VWA8: variants seen among roughly 807,000 people sequenced by gnomAD.
The protein encoded by VWA8 is von Willebrand factor A domain containing 8.
Under a neutral mutation model 241.5 loss-of-function variants are expected in VWA8, and 221 were observed. The observed-to-expected ratio is 0.91, with a 90% CI of 0.82 to 1.02. The LOEUF (loss-of-function observed/expected upper bound fraction) is 1.02, where lower values mean the gene tolerates loss of function less well. VWA8 is among the 50% of genes least tolerant of loss of function. The pLI, the probability that VWA8 is intolerant of heterozygous loss-of-function variation, is 0.00. For missense variants in VWA8, 2,322 were observed against 2,328.7 expected, an observed-to-expected ratio of 1.00 and a Z score of 0.06; for synonymous variants, 852 against 827.1, an observed-to-expected ratio of 1.03 and a Z score of -0.52.
intron 37 of VWA8, among the ~76,000 whole-genome samples, chr13:41,634,743 A>T (rs1019567523): frequency 2.0e-5 from 3 of 152,094 alleles, no homozygotes; most frequent in East Asian, 3.8e-4. Flanking sequence ...TCTAGCTCTA[A>T]TTTTTTTCCT....
intron 4 of VWA8, among the ~76,000 whole-genome samples, chr13:41,898,220 G>A (rs1875225659): frequency 6.6e-6 from 1 of 151,776 alleles, no homozygotes; most frequent in Admixed American, 6.6e-5. Flanking sequence ...CACCAGAGCA[G>A]GTAGATACAG....
rs773095821 is a variant in VWA8, at chr13:41,886,033, G to A, written c.867-5C>T. On this transcript the variant is annotated splice_polypyrimidine_tract_variant and splice_region_variant and intron_variant, in intron 7 of 44. Coordinates refer to ENST00000379310, the MANE Select transcript of VWA8 (RefSeq NM_015058.2). ...AAGGACAAGAGCTGAGAAACTCTAA[G>A]GGAAAAATGATATTAAATTTTAATA... 13 of 1,550,590 alleles carry A rather than the reference G, an allele frequency of 8.4e-6. No individual in the cohort carries two copies. Among genetic ancestry groups the A allele is most frequent in the Non-Finnish European group, 1.0e-5 (12 of 1,148,516 alleles).
intron 20 of VWA8, among the ~76,000 whole-genome samples, chr13:41,764,105 A>G (rs1045576130): frequency 2.0e-5 from 3 of 151,860 alleles, no homozygotes; most frequent in Non-Finnish European, 2.9e-5. Context: ...TCATCCTTCC[A>G]CCCAAACCTA....
chr13:41,783,746 C>A, intron 19 of VWA8, 49 bp downstream of exon 19: 1 of 1,321,992 alleles, frequency 7.6e-7, no homozygotes, highest in Non-Finnish European at 1.1e-6. Flanking sequence ...TTGGAGTGTA[C>A]TACCACAATT....
At chr13:41,886,131 C>G in intron 7 of VWA8, 103 bp from the exon 8 acceptor site, 1 of 769,310 alleles carries the variant, frequency 1.3e-6, no homozygotes, top group Non-Finnish European at 2.1e-6. Context: ...TAAAAAAGAT[C>G]CCTAATATTA....
At chr13:41,900,695 A>C (rs1247871147) in intron 4 of VWA8, among the ~76,000 whole-genome samples, 1 of 152,216 alleles carries the variant, frequency 6.6e-6, no homozygotes. Flanking sequence ...TACTGCAAAA[A>C]AAAATTTAAA....
At chr13:41,782,158 T>TCC (rs1284130131) in intron 19 of VWA8, among the ~76,000 whole-genome samples, 1 of 152,218 alleles carries the variant, frequency 6.6e-6, no homozygotes, top group African/African-American at 2.4e-5. Context: ...TTAAGAAAAG[T>TCC]CCCTCAGGGC....
chr13:41,856,687 GC>G (rs1872763907), intron 12 of VWA8, among the ~76,000 whole-genome samples: 1 of 152,108 alleles, frequency 6.6e-6, no homozygotes, highest in African/African-American at 2.4e-5. Context: ...AGCCAAGCCT[GC>G]TGGTGTGCAC....
At chr13:41,664,562 T>C (rs1216832443) in intron 37 of VWA8, among the ~76,000 whole-genome samples, 1 of 152,132 alleles carries the variant, frequency 6.6e-6, no homozygotes, top group Non-Finnish European at 1.5e-5. Context: ...GTTTCCCTCC[T>C]GTCCTAATTG....
At chr13:41,572,582 A>G (rs1038537821) in intron 43 of VWA8, among the ~76,000 whole-genome samples, 28 of 152,162 alleles carry the variant, frequency 1.8e-4, no homozygotes, top group African/African-American at 6.5e-4. Context: ...TGTTAAACAG[A>G]TGCTTGAAGG....
intron 26 of VWA8, among the ~76,000 whole-genome samples, chr13:41,708,527 C>T (rs1192318916): frequency 6.6e-6 from 1 of 152,132 alleles, no homozygotes; most frequent in African/African-American, 2.4e-5. Context: ...GCTTCCCTAC[C>T]ATCTCACAGG....
intron 2 of VWA8, among the ~76,000 whole-genome samples, chr13:41,919,984 AG>A (rs1342998773): frequency 6.6e-6 from 1 of 152,142 alleles, no homozygotes; most frequent in Admixed American, 6.5e-5. Flanking sequence ...GAACAGGACT[AG>A]GAACTCAGAA....
intron 24 of VWA8, among the ~76,000 whole-genome samples, chr13:41,724,964 A>G (rs1050288595): frequency 1.3e-5 from 2 of 152,146 alleles, no homozygotes; most frequent in Admixed American, 6.5e-5. Flanking sequence ...CTTGAGGCCC[A>G]TTGTTAAGAA....
rs145605937 is a variant in VWA8 at position 41,602,720 on chromosome 13, C to A, written c.4986+2448G>T. On this transcript the variant is annotated intron_variant, in intron 40 of 44. Transcript: ENST00000379310. ...TTAAGCATATCATCTGAGTTCTTCA[C>A]TAACATACTGGTATCTGTCATTCCC... Among the ~76,000 whole-genome samples, 19 of 152,230 alleles carry A rather than the reference C, an allele frequency of 1.2e-4. No homozygotes were observed. The East Asian group carries it at 3.7e-3, about 29-fold the overall frequency.
chr13:41,679,768 A>T (rs1309381150), intron 35 of VWA8, among the ~76,000 whole-genome samples: 1 of 150,910 alleles, frequency 6.6e-6, no homozygotes, highest in African/African-American at 2.4e-5. Flanking sequence ...TCTAGCTTGA[A>T]TTTTCATCAG....
chr13:41,900,042 C>G (rs1181128311), intron 4 of VWA8, among the ~76,000 whole-genome samples: 1 of 152,140 alleles, frequency 6.6e-6, no homozygotes, highest in Non-Finnish European at 1.5e-5. Flanking sequence ...TCACAGCAGG[C>G]TATTAGCATT....
intron 21 of VWA8, among the ~76,000 whole-genome samples, chr13:41,753,957 G>C (rs1312935758): frequency 1.3e-5 from 2 of 152,130 alleles, no homozygotes; most frequent in East Asian, 1.9e-4. Flanking sequence ...GCAATTTTAT[G>C]AGCTAAAATG....
chr13:41,887,885 A>G (rs574866308), intron 5 of VWA8, among the ~76,000 whole-genome samples: 1 of 152,376 alleles, frequency 6.6e-6, no homozygotes, highest in Admixed American at 6.5e-5. Context: ...AATCCAATAT[A>G]GACTATCTCC....
intron 20 of VWA8, among the ~76,000 whole-genome samples, chr13:41,762,935 G>T (rs2045751040): frequency 6.6e-6 from 1 of 151,908 alleles, no homozygotes; most frequent in South Asian, 2.1e-4. Flanking sequence ...AAATATAAAT[G>T]ATGACCATGT....
Sources: gnomAD v4.1 joint callset for allele counts (sites outside exome capture counted in the v4.1 genomes callset) on GRCh38, gnomAD v4.1.1 for gene constraint, MANE v1.5 for transcripts, NCBI Gene and HGNC (gene_info 2026-07-23, HGNC 2026-07-21) for gene names.